The following CEACAM20 variants were observed in gnomAD, a reference collection of about 807,000 sequenced individuals.
CEACAM20 encodes the protein CEA cell adhesion molecule 20.
In CEACAM20, 50 loss-of-function variants were observed where a neutral mutation model predicts 61.2. That is an observed-to-expected ratio of 0.82 (90% CI 0.65 to 1.03). The LOEUF (loss-of-function observed/expected upper bound fraction) is 1.03. Ranked by LOEUF, CEACAM20 falls within the 50% of genes least tolerant of loss-of-function variation. The probability of loss-of-function intolerance (pLI) is 0.00; values close to 1 mark genes in which losing one functional copy is unlikely to be tolerated. For missense variants in CEACAM20, 683 were observed against 736.4 expected (o/e 0.93, Z 0.84); for synonymous variants, 282 against 287.7 (o/e 0.98, Z 0.20).
chr19:44,526,480 G>A (rs1971531844), intron 1 of CEACAM20, among the ~76,000 whole-genome samples: 1 of 151,876 alleles, frequency 6.6e-6, no homozygotes, highest in Non-Finnish European at 1.5e-5. Flanking sequence ...ACTCCAGCCT[G>A]GGTGACGGCA....
chr19:44,508,975 T>C (rs1025047468), intron 11 of CEACAM20, among the ~76,000 whole-genome samples: 3 of 152,090 alleles, frequency 2.0e-5, no homozygotes, highest in Non-Finnish European at 4.4e-5. Context: ...TGTGGGGAAG[T>C]AAATATCATG....
intron 1 of CEACAM20, among the ~76,000 whole-genome samples, chr19:44,526,743 G>A (rs1971541344): frequency 6.6e-6 from 1 of 151,748 alleles, no homozygotes; most frequent in Non-Finnish European, 1.5e-5. Context: ...GTATGGTGAT[G>A]TGCACCTGTA....
In CEACAM20 at chr19:44,511,250, A is replaced by T. The variant is rs1599665423; in HGVS notation, c.1612-95T>A. On this transcript the variant is annotated intron_variant, in intron 10 of 11. Transcript: ENST00000614924. ...CTTCAGGGACCGAGAGAGTGGAAGG[A>T]ATCTGTTCAGGTTCTTGCAGAGAAT... 8 of 1,506,206 alleles carry T rather than the reference A, an allele frequency of 5.3e-6. No individual in the cohort carries two copies. The East Asian group carries it at 1.8e-4, about 34-fold the overall frequency. 93.3% of individuals were successfully genotyped at this position (1,506,206 alleles called of 1,614,324 possible).
rs139885168 is a variant in CEACAM20 at position 44,522,349 on chromosome 19, C to T, written c.751+285G>A. Among the ~76,000 whole-genome samples, 134 of 152,184 alleles carry T rather than the reference C, an allele frequency of 8.8e-4. 1 individual carries two copies. In the East Asian group the frequency reaches 0.023, roughly 27 times the overall value. Reference sequence around the variant, plus strand: ...CAATCTCCTAACCTCGTGATCTGCCCACCTCGGCCTCCCAAAGTGCTGGGA... The same window carrying T: ...CAATCTCCTAACCTCGTGATCTGCCTACCTCGGCCTCCCAAAGTGCTGGGA... On this transcript the variant is annotated intron_variant, in intron 4 of 11. Coordinates refer to ENST00000614924, the MANE Select transcript of CEACAM20 (RefSeq NM_001102597.3).
Position 44,522,586 on chromosome 19 carries a change from T to C in CEACAM20, c.751+48A>G, listed in dbSNP as rs16979226. ...CTGGTTCCTTCTGACATGGCCAGCA[T>C]CTGACGCTCAGAAGAATGAAGGAGA... On this transcript the variant is annotated intron_variant, in intron 4 of 11. Transcript: ENST00000614924. 0.029 allele frequency: 46,143 copies of C among 1,585,356 alleles called. 1,273 individuals are homozygous for C. The highest frequency in any genetic ancestry group is 0.095 in the East Asian group (4,190 of 44,126).
intron 5 of CEACAM20, among the ~76,000 whole-genome samples, chr19:44,519,884 C>A (rs1599678783): frequency 6.6e-6 from 1 of 152,172 alleles, no homozygotes; most frequent in Admixed American, 6.5e-5. Context: ...CTAAGGCAGG[C>A]CCCTTCCTGG....
In CEACAM20 at chr19:44,513,303, C is replaced by T. The variant is rs775050639; in HGVS notation, c.1310-14G>A. The T allele has an allele frequency of 5.7e-6, 9 of 1,579,334 alleles. No homozygotes were observed. Among genetic ancestry groups the T allele is most frequent in the African/African-American group, 4.0e-5 (3 of 74,156 alleles). Reference sequence around the variant, plus strand: ...AGGACTGGGGACCTGGGCAAGGAGACAGAATCAAGACCCAGGCTTGACACA... The same window carrying T: ...AGGACTGGGGACCTGGGCAAGGAGATAGAATCAAGACCCAGGCTTGACACA... On this transcript the variant is annotated splice_polypyrimidine_tract_variant and intron_variant, in intron 6 of 11. Coordinates refer to ENST00000614924, the MANE Select transcript of CEACAM20 (RefSeq NM_001102597.3).
Position 44,517,014 on chromosome 19 carries a change from T to A in CEACAM20, c.1241A>T (p.Tyr414Phe). 1 of 1,597,124 alleles carries A rather than the reference T, an allele frequency of 6.3e-7. No homozygotes were observed. Among genetic ancestry groups the A allele is most frequent in the Non-Finnish European group, 8.5e-7 (1 of 1,172,136 alleles). ...GAGAGAGTTGGAGGCTGTGCAGTTG[T>A]AGATCCCGTCGTGTTCCCAGGTCAG... ...RALTWEHDGIYNCTASNSLTG... is the reference protein window; with the variant it reads ...RALTWEHDGIFNCTASNSLTG... The change falls in exon 6 of 12, where the codon TAC becomes TTC. Residue 414 changes from tyrosine to phenylalanine, a missense_variant. Tyr to Phe is a conservative substitution (Grantham distance 22). Coordinates refer to ENST00000614924, the MANE Select transcript of CEACAM20 (RefSeq NM_001102597.3).
In CEACAM20 at chr19:44,517,075, C is replaced by G; in HGVS notation, c.1180G>C (p.Gly394Arg). 2 of 1,608,640 alleles carry G rather than the reference C, an allele frequency of 1.2e-6. No individual in the cohort carries two copies. The highest frequency in any genetic ancestry group is 1.7e-6 in the Non-Finnish European group (2 of 1,177,674). ...ATCAGCTGCTCACCCAGGTGCTCCC[C>G]GGTGGAGTGTTCAAGAGTCCAGCGA... ...EYRWTLEHST[G>R]EHLGEQLIIR... The change falls in exon 6 of 12, where the codon GGG becomes CGG. Residue 394 changes from glycine (G) to arginine (R), a missense_variant. Gly to Arg is a moderately radical substitution (Grantham distance 125). Coordinates refer to ENST00000614924, the MANE Select transcript of CEACAM20 (RefSeq NM_001102597.3).
rs1197652701 is a variant in CEACAM20 at position 44,529,590 on chromosome 19, G to A, written c.-81C>T. 8.8e-6 allele frequency: 11 copies of A among 1,244,402 alleles called. No homozygotes were observed. Among genetic ancestry groups the A allele is most frequent in the South Asian group, 1.2e-5 (1 of 80,322 alleles). 77.1% of individuals were successfully genotyped at this position (1,244,402 alleles called of 1,614,324 possible). On this transcript the variant is annotated 5_prime_UTR_variant, in exon 1 of 12. Transcript: ENST00000614924. ...CACAGATACAGTCCTCACTCCAGGT[G>A]CAGCCCCTCCACCTCCCTTCTCTCC...
chr19:44,511,772 A>T (rs1179943882), intron 9 of CEACAM20, 100 bp from the exon 10 acceptor site: 2 of 1,200,666 alleles, frequency 1.7e-6, no homozygotes, highest in Non-Finnish European at 2.4e-6. Flanking sequence ...CAATTATAGC[A>T]CTTCTGATTC....
intron 5 of CEACAM20, among the ~76,000 whole-genome samples, chr19:44,517,487 G>A (rs1490701151): frequency 3.3e-5 from 5 of 152,038 alleles, no homozygotes; most frequent in African/African-American, 1.2e-4. Context: ...CACGAGGTCA[G>A]GAGATCGAGA....
At chr19:44,523,017 T>G (rs1971416976) in intron 3 of CEACAM20, 105 bp from the exon 4 acceptor site, 1 of 998,892 alleles carries the variant, frequency 1.0e-6, no homozygotes. Flanking sequence ...TCCTCCCCAC[T>G]CAAAGGCTAG....
At chr19:44,509,091 T>C (rs1163427695) in intron 11 of CEACAM20, among the ~76,000 whole-genome samples, 1 of 151,356 alleles carries the variant, frequency 6.6e-6, no homozygotes, top group Non-Finnish European at 1.5e-5. Flanking sequence ...TGGAGGGAAA[T>C]TGAATAGGAC....
At chr19:44,520,835 G>A (rs1971340588) in intron 4 of CEACAM20, 83 bp from the exon 5 acceptor site, 1 of 1,342,918 alleles carries the variant, frequency 7.4e-7, no homozygotes. Context: ...AGTTTTTCCA[G>A]GAGTGCGTGC....
chr19:44,515,048 G>A (rs910396985), intron 6 of CEACAM20, among the ~76,000 whole-genome samples: 4 of 152,078 alleles, frequency 2.6e-5, no homozygotes, highest in East Asian at 3.9e-4. Context: ...ATGTTGCCCC[G>A]GCTGGTCTTC....
Position 44,513,173 on chromosome 19 carries a change from G to C in CEACAM20, c.1426C>G (p.Arg476Gly), listed in dbSNP as rs369933127. The C allele has an allele frequency of 1.2e-6, 2 of 1,608,296 alleles. No homozygotes were observed. The highest frequency in any genetic ancestry group is 1.7e-6 in the Non-Finnish European group (2 of 1,175,092). ...CCCCTCCCTGTATCCCTGTGTTACCGTCTGGCATTTCTGATGCAGAGAAAA... is the reference window on the plus strand; with the variant it reads ...CCCCTCCCTGTATCCCTGTGTTACCCTCTGGCATTTCTGATGCAGAGAAAA... ...GYFLCIRNARRPSRKTTEDPS... is the reference protein window; with the variant it reads ...GYFLCIRNARGPSRKTTEDPS... Residue 476 changes from arginine to glycine, a missense_variant and splice_region_variant, in exon 7 of 12, where the codon CGG becomes GGG. Coordinates refer to ENST00000614924, the MANE Select transcript of CEACAM20 (RefSeq NM_001102597.3).
chr19:44,524,664 T>C (rs559245168), intron 2 of CEACAM20, among the ~76,000 whole-genome samples: 3 of 152,062 alleles, frequency 2.0e-5, no homozygotes, highest in African/African-American at 7.2e-5. Context: ...ACTGCAACCT[T>C]GACCTCATGG....
chr19:44,518,063 G>A (rs546796774), intron 5 of CEACAM20, among the ~76,000 whole-genome samples: 20 of 145,446 alleles, frequency 1.4e-4, no homozygotes, highest in African/African-American at 5.1e-4. Flanking sequence ...GTGATAGAGT[G>A]AGACTCAAAA....
Sources: allele counts gnomAD v4.1 joint callset (sites outside exome capture counted in the v4.1 genomes callset), GRCh38; gene constraint gnomAD v4.1.1; transcripts MANE v1.5; gene names NCBI Gene and HGNC (gene_info 2026-07-23, HGNC 2026-07-21).